APBB1IP: variants seen among roughly 807,000 people sequenced by gnomAD.
APBB1IP encodes amyloid beta A4 precursor protein-binding family B member 1-interacting protein.
APBB1IP carries 27 observed loss-of-function variants against 64.9 expected under a neutral mutation model. That is an observed-to-expected ratio of 0.42 (90% CI 0.31 to 0.57). The LOEUF (loss-of-function observed/expected upper bound fraction) is 0.57, where lower values mean the gene tolerates loss of function less well. APBB1IP is among the 20% of genes least tolerant of loss of function. The pLI is 0.20. For missense variants in APBB1IP, 812 were observed against 845.5 expected, an observed-to-expected ratio of 0.96 and a Z score of 0.49; for synonymous variants, 392 against 331.0, an observed-to-expected ratio of 1.18 and a Z score of -2.00.
chr10:26,460,094 A>T (rs573353003), intron 2 of APBB1IP, among the ~76,000 whole-genome samples: 1 of 152,336 alleles, frequency 6.6e-6, no homozygotes, highest in South Asian at 2.1e-4. Flanking sequence ...TCTTAATTAC[A>T]GTTCTTGCCT....
chr10:26,511,923 G>GT lies in APBB1IP; in HGVS notation c.691+17_691+18insT. 1 of 1,613,536 alleles carries GT rather than the reference G, an allele frequency of 6.2e-7. No homozygotes were observed. Among genetic ancestry groups the GT allele is most frequent in the Non-Finnish European group, 8.5e-7 (1 of 1,179,466 alleles). ...TACAAATTGGTAAGTCCCATCCCCA[G>GT]CAATGGGCTGTACTCCAAAAACCTT... On this transcript the variant is annotated intron_variant, in intron 7 of 14. Coordinates refer to ENST00000376236, the MANE Select transcript of APBB1IP (RefSeq NM_019043.4).
intron 2 of APBB1IP, among the ~76,000 whole-genome samples, chr10:26,460,025 T>C (rs955102230): frequency 4.6e-5 from 7 of 152,178 alleles, no homozygotes; most frequent in Non-Finnish European, 7.3e-5. Context: ...AAATAATGTA[T>C]TTTTGCTTGG....
intron 11 of APBB1IP, among the ~76,000 whole-genome samples, chr10:26,552,800 A>T (rs528552362): frequency 0.011 from 1,627 of 152,298 alleles, 23 homozygotes; most frequent in African/African-American, 0.037. Flanking sequence ...CTGGAACCAC[A>T]TCGTCAGCCA....
intron 8 of APBB1IP, among the ~76,000 whole-genome samples, chr10:26,521,248 G>A (rs1343112514): frequency 6.6e-6 from 1 of 152,178 alleles, no homozygotes; most frequent in Non-Finnish European, 1.5e-5. Context: ...GTTCTCCAGA[G>A]CCACTGCTGA....
intron 2 of APBB1IP, among the ~76,000 whole-genome samples, chr10:26,442,800 C>G (rs1183828763): frequency 6.6e-6 from 1 of 152,144 alleles, no homozygotes; most frequent in Non-Finnish European, 1.5e-5. Flanking sequence ...TAACATTTCC[C>G]CATTTCCCAG....
chr10:26,537,352 A>G (rs1459115497), intron 10 of APBB1IP, among the ~76,000 whole-genome samples: 2 of 152,002 alleles, frequency 1.3e-5, no homozygotes, highest in Non-Finnish European at 2.9e-5. Flanking sequence ...CAGGTCTGCT[A>G]CCTCCAGTAA....
intron 8 of APBB1IP, among the ~76,000 whole-genome samples, chr10:26,532,072 T>C (rs1483719992): frequency 1.3e-5 from 2 of 152,182 alleles, no homozygotes; most frequent in Admixed American, 1.3e-4. Flanking sequence ...GAACATGCAT[T>C]GTATCAAGTT....
chr10:26,560,988 G>A lies in APBB1IP; in HGVS notation c.1369+144G>A, dbSNP rs146182358. On this transcript the variant is annotated intron_variant, in intron 13 of 14. Coordinates refer to ENST00000376236, the MANE Select transcript of APBB1IP (RefSeq NM_019043.4). ...CCTGATGATCAGGCTCAAACTCCCC[G>A]ACTCAGCCCAGCCCTCACACACACA... is the stretch of plus-strand genomic sequence containing the variant. 398 of 448,990 alleles carry A rather than the reference G, an allele frequency of 8.9e-4. 1 individual carries two copies. Among genetic ancestry groups the A allele is most frequent in the African/African-American group, 6.4e-3 (316 of 49,102 alleles). The allele number at this position is 448,990 out of a possible 1,614,324, so 27.8% of individuals were successfully genotyped here. A position where few individuals can be genotyped will look rare whatever the true frequency, so the allele number is the denominator to read the frequency against.
chr10:26,482,224 A>G (rs1163930490), intron 2 of APBB1IP, among the ~76,000 whole-genome samples: 1 of 152,200 alleles, frequency 6.6e-6, no homozygotes, highest in Non-Finnish European at 1.5e-5. Flanking sequence ...AAGTTGGCCC[A>G]AGAGGTTTCT....
intron 8 of APBB1IP, among the ~76,000 whole-genome samples, chr10:26,526,951 A>G (rs1312684168): frequency 1.3e-5 from 2 of 152,200 alleles, no homozygotes; most frequent in Non-Finnish European, 2.9e-5. Context: ...ACAGAAACAC[A>G]ACTTCTTTGC....
chr10:26,544,416 C>CTAGGGT (rs1836735539), intron 11 of APBB1IP, among the ~76,000 whole-genome samples: 1 of 152,110 alleles, frequency 6.6e-6, no homozygotes, highest in Non-Finnish European at 1.5e-5. Flanking sequence ...ATGATGGAAC[C>CTAGGGT]TAGGGTTAGG....
At chr10:26,532,720 G>A (rs1008653349) in intron 8 of APBB1IP, among the ~76,000 whole-genome samples, 1 of 151,998 alleles carries the variant, frequency 6.6e-6, no homozygotes, top group African/African-American at 2.4e-5. Flanking sequence ...AGACTCCAGG[G>A]TTCAAACAAT....
chr10:26,463,580 T>G (rs936934644), intron 2 of APBB1IP, among the ~76,000 whole-genome samples: 1 of 152,204 alleles, frequency 6.6e-6, no homozygotes, highest in African/African-American at 2.4e-5. Flanking sequence ...TTCTGGGCAC[T>G]GCTCTACTTG....
chr10:26,470,502 G>A (rs1835703706), intron 2 of APBB1IP, among the ~76,000 whole-genome samples: 1 of 152,196 alleles, frequency 6.6e-6, no homozygotes, highest in Non-Finnish European at 1.5e-5. Flanking sequence ...TCGTGCCACT[G>A]TACTCCAGCC....
intron 10 of APBB1IP, among the ~76,000 whole-genome samples, chr10:26,539,657 A>G (rs1203582848): frequency 6.6e-6 from 1 of 152,198 alleles, no homozygotes; most frequent in Admixed American, 6.5e-5. Context: ...ATGGCCAAAG[A>G]TAACAAACAA....
intron 10 of APBB1IP, among the ~76,000 whole-genome samples, chr10:26,537,172 G>A (rs987447599): frequency 3.3e-5 from 5 of 149,684 alleles, no homozygotes; most frequent in African/African-American, 1.2e-4. Context: ...TCCGTCTTTT[G>A]TTCACCATTA....
chr10:26,475,191 C>T (rs786717), intron 2 of APBB1IP, among the ~76,000 whole-genome samples: 46,772 of 150,212 alleles, frequency 0.31, 8,323 homozygotes, highest in South Asian at 0.41. Flanking sequence ...GGTGCAATCT[C>T]GGTTCACTGC....
At chr10:26,495,943 TAA>T (rs1349930329) in intron 3 of APBB1IP, among the ~76,000 whole-genome samples, 1 of 140,942 alleles carries the variant, frequency 7.1e-6, no homozygotes, top group African/African-American at 2.7e-5. Context: ...TTAATATATA[TAA>T]AATATATTTT....
chr10:26,566,801 T>C (rs920344236), intron 14 of APBB1IP, among the ~76,000 whole-genome samples, 160 bp from the exon 15 acceptor site: 3 of 151,850 alleles, frequency 2.0e-5, no homozygotes, highest in Non-Finnish European at 2.9e-5. Flanking sequence ...GGCAGGAGGA[T>C]TGCTTGAGCT....
Sources: allele counts gnomAD v4.1 joint callset (sites outside exome capture counted in the v4.1 genomes callset), GRCh38; gene constraint gnomAD v4.1.1; transcripts MANE v1.5; gene names NCBI Gene and HGNC (gene_info 2026-07-23, HGNC 2026-07-21).